CTNND2: variants seen among roughly 807,000 people sequenced by gnomAD.
CTNND2 encodes catenin delta 2, also known as catenin delta-2.
CTNND2 carries 22 observed loss-of-function variants against 144.4 expected under a neutral mutation model. That is an observed-to-expected ratio of 0.15 (90% CI 0.11 to 0.22). CTNND2 has a LOEUF of 0.22. Among genes scored for constraint, CTNND2 ranks in the 10% least tolerant of loss-of-function variants. The pLI is 1.00. For synonymous variants in CTNND2, 751 were observed against 695.6 expected (o/e 1.08, Z -1.25); for missense variants, 1,353 against 1,618.8 (o/e 0.84, Z 2.82).
At chr5:11,673,396 A>C (rs1261746918) in intron 2 of CTNND2, among the ~76,000 whole-genome samples, 1 of 152,168 alleles carries the variant, frequency 6.6e-6, no homozygotes, top group Non-Finnish European at 1.5e-5. Flanking sequence ...ATATGTTATA[A>C]ATGCATTTTT....
chr5:11,537,994 C>G (rs986119352), intron 3 of CTNND2, among the ~76,000 whole-genome samples: 1 of 152,168 alleles, frequency 6.6e-6, no homozygotes, highest in African/African-American at 2.4e-5. Flanking sequence ...AGCATGAGAG[C>G]TTGTATAGCC....
chr5:11,673,527 A>C (rs974563738), intron 2 of CTNND2, among the ~76,000 whole-genome samples: 4 of 152,196 alleles, frequency 2.6e-5, no homozygotes, highest in Non-Finnish European at 4.4e-5. Context: ...ATGAGTTAAA[A>C]TTAATTTGTG....
intron 1 of CTNND2, among the ~76,000 whole-genome samples, chr5:11,897,975 C>A (rs1317400920): frequency 3.9e-5 from 6 of 152,188 alleles, no homozygotes; most frequent in Non-Finnish European, 8.8e-5. Flanking sequence ...AAAGAAGCAG[C>A]TTGCCTTGCT....
intron 9 of CTNND2, among the ~76,000 whole-genome samples, chr5:11,316,648 C>A (rs577388438): frequency 2.0e-5 from 3 of 150,798 alleles, no homozygotes; most frequent in Admixed American, 6.6e-5. Context: ...CCCTTCCCCC[C>A]ACCCCACAAC....
At chr5:11,011,552 G>A (rs1227215912) in intron 18 of CTNND2, among the ~76,000 whole-genome samples, 6 of 152,186 alleles carry the variant, frequency 3.9e-5, no homozygotes, top group Admixed American at 3.3e-4. Context: ...GAGAGATACT[G>A]AGTGGACGCT....
rs879353 is a variant in CTNND2 at position 10,988,060 on chromosome 5, T to A, written c.3343+51A>T. ...CCTGATGTCCCATATCTCTGCCTTGTCGCGGGTCAAGCCACCAAGTTCCAG... is the reference window on the plus strand; with the variant it reads ...CCTGATGTCCCATATCTCTGCCTTGACGCGGGTCAAGCCACCAAGTTCCAG... On this transcript the variant is annotated intron_variant, in intron 20 of 21. Transcript: ENST00000304623. The surrounding 1 kb of genome is among the most constrained non-coding windows in gnomAD (Gnocchi z 5.9). 1 of 1,610,064 alleles carries A rather than the reference T, an allele frequency of 6.2e-7. No homozygotes were observed. The highest frequency in any genetic ancestry group is 2.2e-5 in the East Asian group (1 of 44,766).
At chr5:11,583,989 C>T (rs1346427967) in intron 2 of CTNND2, among the ~76,000 whole-genome samples, 1 of 152,162 alleles carries the variant, frequency 6.6e-6, no homozygotes, top group Non-Finnish European at 1.5e-5. Context: ...TTTACGGTTT[C>T]CAATTTTTGG....
intron 9 of CTNND2, among the ~76,000 whole-genome samples, chr5:11,259,792 A>G (rs952151017): frequency 1.3e-5 from 2 of 152,236 alleles, no homozygotes; most frequent in Non-Finnish European, 2.9e-5. Flanking sequence ...AGATCTGAAA[A>G]GAACCGCTTT....
intron 2 of CTNND2, among the ~76,000 whole-genome samples, chr5:11,662,256 T>TATATATATAC (rs1783300416): frequency 7.4e-6 from 1 of 135,158 alleles, no homozygotes; most frequent in Admixed American, 7.1e-5. Context: ...TATATGTGTG[T>TATATATATAC]ATATATGTGT....
chr5:11,085,137 G>C (rs1317276432), intron 15 of CTNND2, among the ~76,000 whole-genome samples: 1 of 152,172 alleles, frequency 6.6e-6, no homozygotes, highest in East Asian at 1.9e-4. Context: ...AGAATAATGG[G>C]AATCCTTCAG....
chr5:11,791,263 G>A (rs931913652), intron 1 of CTNND2, among the ~76,000 whole-genome samples: 22 of 152,140 alleles, frequency 1.4e-4, no homozygotes. Context: ...GTCATACTTT[G>A]TTACAGCAGC....
In CTNND2 at chr5:11,308,783, T is replaced by C. The variant is rs967046738; in HGVS notation, c.1628+37589A>G. On this transcript the variant is annotated intron_variant, in intron 9 of 21. Transcript: ENST00000304623. ...TACCACAGTCTATCTGTATTAGTCCTTTCTCATACTGCTATAAAGAACTAC... is the reference window on the plus strand; with the variant it reads ...TACCACAGTCTATCTGTATTAGTCCCTTCTCATACTGCTATAAAGAACTAC... Among the ~76,000 whole-genome samples the C allele has an allele frequency of 2.6e-5, 4 of 152,192 alleles. No homozygotes were observed. In the East Asian group the frequency reaches 7.7e-4, roughly 29 times the overall value.
intron 2 of CTNND2, among the ~76,000 whole-genome samples, chr5:11,650,770 G>A (rs1283600729): frequency 1.3e-5 from 2 of 152,138 alleles, no homozygotes; most frequent in African/African-American, 2.4e-5. Flanking sequence ...TGGGAGTGAT[G>A]ATTTAAGGTA....
chr5:11,232,000 AG>A (rs1741080985), intron 10 of CTNND2, among the ~76,000 whole-genome samples: 1 of 152,206 alleles, frequency 6.6e-6, no homozygotes, highest in Non-Finnish European at 1.5e-5. Flanking sequence ...ATTGCTTCAG[AG>A]GGTGTGAGCC....
At chr5:11,290,721 A>G (rs1014440530) in intron 9 of CTNND2, among the ~76,000 whole-genome samples, 26 of 152,178 alleles carry the variant, frequency 1.7e-4, no homozygotes, top group African/African-American at 5.5e-4. Flanking sequence ...TCTGAAGTCA[A>G]CTTGGTGCTT....
chr5:11,530,852 C>A (rs1050390100), intron 3 of CTNND2, among the ~76,000 whole-genome samples: 2 of 152,186 alleles, frequency 1.3e-5, no homozygotes, highest in African/African-American at 4.8e-5. Flanking sequence ...ATTATGAACT[C>A]TTGACTGGGG....
At chr5:11,721,297 T>C (rs1203265285) in intron 2 of CTNND2, among the ~76,000 whole-genome samples, 4 of 152,180 alleles carry the variant, frequency 2.6e-5, no homozygotes, top group Non-Finnish European at 5.9e-5. Flanking sequence ...AATAGTGGTT[T>C]CCTGGAGTGA....
At chr5:11,046,971 C>T (rs533782329) in intron 16 of CTNND2, among the ~76,000 whole-genome samples, 3 of 152,312 alleles carry the variant, frequency 2.0e-5, no homozygotes, top group African/African-American at 7.2e-5. Flanking sequence ...CACAGAAAGC[C>T]CATGCGTTTT....
chr5:11,205,581 T>C (rs1054811109), intron 10 of CTNND2, among the ~76,000 whole-genome samples: 2 of 152,204 alleles, frequency 1.3e-5, no homozygotes, highest in African/African-American at 2.4e-5. Flanking sequence ...GTTATCAGTT[T>C]GTAAAACACA....
Sources: allele counts gnomAD v4.1 joint callset (sites outside exome capture counted in the v4.1 genomes callset), GRCh38; gene constraint gnomAD v4.1.1; non-coding constraint Gnocchi (gnomAD v3.1); transcripts MANE v1.5; gene names NCBI Gene and HGNC (gene_info 2026-07-23, HGNC 2026-07-21).